ADGRB3: variants seen among roughly 807,000 people sequenced by gnomAD.
ADGRB3 encodes adhesion G protein-coupled receptor B3.
A neutral mutation model predicts 193.4 loss-of-function variants in ADGRB3; 37 were observed. That is an observed-to-expected ratio of 0.19 (90% CI 0.15 to 0.25). The LOEUF (loss-of-function observed/expected upper bound fraction) is 0.25, where lower values mean the gene tolerates loss of function less well. Ranked by LOEUF, ADGRB3 falls within the 10% of genes least tolerant of loss-of-function variation. The pLI, the probability that ADGRB3 is intolerant of heterozygous loss-of-function variation, is 1.00. For synonymous variants in ADGRB3, 690 were observed against 644.2 expected (o/e 1.07, Z -1.08); for missense variants, 1,637 against 1,852.9 (o/e 0.88, Z 2.14).
At chr6:68,994,694 A>G (rs1769335176) in intron 11 of ADGRB3, among the ~76,000 whole-genome samples, 1 of 152,204 alleles carries the variant, frequency 6.6e-6, no homozygotes, top group South Asian at 2.1e-4. Flanking sequence ...AGGTACTTCT[A>G]CAAAGACTGC....
chr6:69,094,662 C>T (rs1772818512), intron 17 of ADGRB3, among the ~76,000 whole-genome samples: 1 of 152,084 alleles, frequency 6.6e-6, no homozygotes, highest in South Asian at 2.1e-4. Context: ...ATAGAGCATT[C>T]AAATCTTCAT....
chr6:69,098,935 CTGAGAACTGGTATT>C (rs539455671), intron 17 of ADGRB3, among the ~76,000 whole-genome samples: 16 of 152,262 alleles, frequency 1.1e-4, no homozygotes, highest in African/African-American at 3.6e-4. Context: ...AACTAATTCT[CTGAGAACTGGTATT>C]TGAGAAGTTC....
intron 29 of ADGRB3, among the ~76,000 whole-genome samples, chr6:69,369,167 A>G (rs1234193667): frequency 6.6e-6 from 1 of 152,146 alleles, no homozygotes; most frequent in East Asian, 1.9e-4. Context: ...TTCTTAATTT[A>G]AAACATACAT....
At chr6:69,259,511 C>T (rs1012393585) in intron 20 of ADGRB3, among the ~76,000 whole-genome samples, 3 of 151,876 alleles carry the variant, frequency 2.0e-5, no homozygotes, top group African/African-American at 2.4e-5. Flanking sequence ...CTGGCTAACA[C>T]GGTGAAACCC....
Position 69,018,411 on chromosome 6 carries a change from G to A in ADGRB3, c.2019G>A (p.Glu673=). 2 of 1,604,800 alleles carry A rather than the reference G, an allele frequency of 1.2e-6. No homozygotes were observed. The highest frequency in any genetic ancestry group is 8.5e-7 in the Non-Finnish European group (1 of 1,173,230). The change falls in exon 13 of 32, where the codon GAG becomes GAA. Residue 673 remains glutamate (E), a synonymous_variant. Transcript: ENST00000370598. ...DAQQIYPGSI[E]LMQVIEDFIH... is the part of the protein sequence containing the mutation. ...TCTAGATTTATCCAGGGTCAATAGA[G>A]TTAATGCAGGTGATTGAAGATTTTA... is the stretch of plus-strand genomic sequence containing the variant.
At chr6:69,017,268 C>T (rs1052677140) in intron 12 of ADGRB3, among the ~76,000 whole-genome samples, 1 of 151,854 alleles carries the variant, frequency 6.6e-6, no homozygotes, top group Non-Finnish European at 1.5e-5. Context: ...TGACTATATG[C>T]TTTTCTATTA....
At chr6:69,253,605 G>A (rs535867491) in intron 20 of ADGRB3, among the ~76,000 whole-genome samples, 1 of 152,140 alleles carries the variant, frequency 6.6e-6, no homozygotes, top group Admixed American at 6.6e-5. Flanking sequence ...GAGTTGAAGA[G>A]AAATTAGGAG....
rs190390017 is a variant in ADGRB3 at position 69,140,873 on chromosome 6, A to T, written c.2480+64835A>T. On this transcript the variant is annotated intron_variant, in intron 17 of 31. Coordinates refer to ENST00000370598, the MANE Select transcript of ADGRB3 (RefSeq NM_001704.3). ...TAAGAGTAATTCATTTCACTTATTC[A>T]TTCATTTACTCACTCAACAATCATT... Among the ~76,000 whole-genome samples the T allele has an allele frequency of 4.6e-3, 703 of 152,234 alleles. 6 individuals carry two copies. The highest frequency in any genetic ancestry group is 0.015 in the African/African-American group (623 of 41,538).
chr6:69,227,411 A>AT (rs1766042820), intron 17 of ADGRB3, among the ~76,000 whole-genome samples: 1 of 152,148 alleles, frequency 6.6e-6, no homozygotes, highest in Non-Finnish European at 1.5e-5. Context: ...GAGTGACATG[A>AT]TTTTTAGTGG....
intron 20 of ADGRB3, among the ~76,000 whole-genome samples, chr6:69,319,924 T>C (rs9294827): frequency 0.21 from 32,142 of 151,456 alleles, 3,882 homozygotes; most frequent in African/African-American, 0.32. Flanking sequence ...ATTGTGATTT[T>C]TGATGTTTGG....
chr6:68,851,277 C>G (rs12055424), intron 3 of ADGRB3, among the ~76,000 whole-genome samples: 1 of 151,570 alleles, frequency 6.6e-6, no homozygotes, highest in Non-Finnish European at 1.5e-5. Context: ...CTCTGCCTCT[C>G]TAGCTGTCTT....
At chr6:68,737,518 T>C (rs1379127421) in intron 3 of ADGRB3, among the ~76,000 whole-genome samples, 3 of 152,094 alleles carry the variant, frequency 2.0e-5, no homozygotes, top group Non-Finnish European at 4.4e-5. Flanking sequence ...GACTCCAAAA[T>C]TGCAAGTTCT....
intron 6 of ADGRB3, among the ~76,000 whole-genome samples, chr6:68,954,989 A>G (rs915077523): frequency 6.6e-6 from 1 of 152,098 alleles, no homozygotes; most frequent in Non-Finnish European, 1.5e-5. Flanking sequence ...AACACCTGAG[A>G]ATAATATCCA....
rs145477226 is a variant in ADGRB3, at chr6:69,149,892, C to A, written c.2480+73854C>A. On this transcript the variant is annotated intron_variant, in intron 17 of 31. Coordinates refer to ENST00000370598, the MANE Select transcript of ADGRB3 (RefSeq NM_001704.3). ...CCCCTTACTTTCACCCAAACAGAGT[C>A]TCTCTCTTTATCTCTCTCTCTGTCT... is the stretch of plus-strand genomic sequence containing the variant. Among the ~76,000 whole-genome samples the A allele has an allele frequency of 2.6e-3, 400 of 151,686 alleles. 2 individuals carry two copies. Among genetic ancestry groups the A allele is most frequent in the African/African-American group, 8.9e-3 (368 of 41,346 alleles).
chr6:69,064,359 T>C, intron 16 of ADGRB3, among the ~76,000 whole-genome samples: 1 of 152,096 alleles, frequency 6.6e-6, no homozygotes, highest in East Asian at 1.9e-4. Flanking sequence ...TTTAAACTAT[T>C]TAAACTATTA....
intron 11 of ADGRB3, among the ~76,000 whole-genome samples, chr6:68,999,448 T>G (rs1769499606): frequency 6.6e-6 from 1 of 152,042 alleles, no homozygotes; most frequent in South Asian, 2.1e-4. Context: ...GTATTTTTAG[T>G]AGAGATGGGG....
chr6:69,312,806 C>G (rs555363764), intron 20 of ADGRB3, among the ~76,000 whole-genome samples: 9 of 151,818 alleles, frequency 5.9e-5, no homozygotes, highest in African/African-American at 1.7e-4. Flanking sequence ...ATAGATTACA[C>G]ACATGAATGC....
At chr6:68,733,951 A>T (rs751794389) in intron 3 of ADGRB3, among the ~76,000 whole-genome samples, 1 of 151,940 alleles carries the variant, frequency 6.6e-6, no homozygotes, top group Non-Finnish European at 1.5e-5. Context: ...GCATGCCTGT[A>T]TCAAAACATC....
At chr6:68,771,835 C>T (rs1316753384) in intron 3 of ADGRB3, among the ~76,000 whole-genome samples, 1 of 151,974 alleles carries the variant, frequency 6.6e-6, no homozygotes, top group Non-Finnish European at 1.5e-5. Flanking sequence ...GGAAAGGTTG[C>T]AGAACAGAGA....
Sources: gnomAD v4.1 joint callset for allele counts (sites outside exome capture counted in the v4.1 genomes callset) on GRCh38, gnomAD v4.1.1 for gene constraint, MANE v1.5 for transcripts, NCBI Gene and HGNC (gene_info 2026-07-23, HGNC 2026-07-21) for gene names.